SLC25A37: variants seen among roughly 807,000 people sequenced by gnomAD.
The protein encoded by SLC25A37 is mitoferrin-1.
Under a neutral mutation model 31.0 loss-of-function variants are expected in SLC25A37, and 17 were observed. The ratio of observed to expected loss-of-function variants is 0.55; its 90% CI spans 0.38 to 0.82. The LOEUF is 0.82. Among genes scored for constraint, SLC25A37 ranks in the 40% least tolerant of loss-of-function variants. SLC25A37 has a pLI of 0.00. For missense variants in SLC25A37, 404 were observed against 465.8 expected, an observed-to-expected ratio of 0.87 and a Z score of 1.22; for synonymous variants, 222 against 193.0, an observed-to-expected ratio of 1.15 and a Z score of -1.24.
intron 1 of SLC25A37, among the ~76,000 whole-genome samples, chr8:23,543,731 C>T (rs934342864): frequency 3.9e-5 from 6 of 151,988 alleles, no homozygotes; most frequent in African/African-American, 9.7e-5. Context: ...GATGGGGTTT[C>T]GCTGTGTTAG....
Position 23,529,292 on chromosome 8 carries a change from C to A in SLC25A37, c.210+80C>A. 7.2e-7 allele frequency: 1 copy of A among 1,397,236 alleles called. No homozygotes were observed. The highest frequency in any genetic ancestry group is 9.6e-7 in the Non-Finnish European group (1 of 1,039,344). 86.6% of individuals were successfully genotyped at this position (1,397,236 alleles called of 1,614,324 possible). ...GCATTTGCATCCCGCGCGCCGGCAG[C>A]CTCGGGGCAGCGTCCCGAAACCGAG... On this transcript the variant is annotated intron_variant, in intron 1 of 3. Coordinates refer to ENST00000519973, the MANE Select transcript of SLC25A37 (RefSeq NM_016612.4). This position sits in a 1 kb window ranked among gnomAD's most constrained non-coding sequence, Gnocchi z 4.1.
intron 1 of SLC25A37, among the ~76,000 whole-genome samples, chr8:23,544,572 G>A (rs1476361031): frequency 2.0e-5 from 3 of 152,148 alleles, no homozygotes; most frequent in Non-Finnish European, 4.4e-5. Context: ...GATGAGCTCA[G>A]TCTTCAGGGA....
chr8:23,573,708 A>G lies in SLC25A37; in HGVS notation c.*1853A>G, dbSNP rs572050683. The G allele has an allele frequency of 5.9e-5, 26 of 437,652 alleles. No homozygotes were observed. The highest frequency in any genetic ancestry group is 4.1e-4 in the South Asian group (26 of 63,612). The allele number at this position is 437,652 out of a possible 1,614,324, so 27.1% of individuals were successfully genotyped here. ...TTCCTTTTTCAGATCAGGGATGGGA[A>G]AGAGCCAAACTGGGTACCTCCCACG... On this transcript the variant is annotated 3_prime_UTR_variant, in exon 4 of 4. Transcript: ENST00000519973.
At chr8:23,564,162 A>G (rs1802588557) in intron 1 of SLC25A37, among the ~76,000 whole-genome samples, 1 of 151,964 alleles carries the variant, frequency 6.6e-6, no homozygotes, top group Non-Finnish European at 1.5e-5. Flanking sequence ...TTTCTGGGCA[A>G]AATAAAAAGT....
intron 1 of SLC25A37, among the ~76,000 whole-genome samples, chr8:23,540,510 A>G (rs1034235491): frequency 1.3e-5 from 2 of 152,222 alleles, no homozygotes; most frequent in Middle Eastern, 3.2e-3. Flanking sequence ...TCTTTGGGCA[A>G]GTACTCCAGC....
chr8:23,546,218 T>C (rs1802033931), intron 1 of SLC25A37, among the ~76,000 whole-genome samples: 1 of 152,058 alleles, frequency 6.6e-6, no homozygotes, highest in African/African-American at 2.4e-5. Flanking sequence ...GGAAGATTGC[T>C]TGAGCCCAGG....
intron 1 of SLC25A37, among the ~76,000 whole-genome samples, chr8:23,538,565 C>G (rs1193081437): frequency 6.9e-6 from 1 of 145,600 alleles, no homozygotes; most frequent in Non-Finnish European, 1.5e-5. Context: ...GTGTGTAGAA[C>G]CCAGCAAGCA....
chr8:23,529,275 A>C lies in SLC25A37; in HGVS notation c.210+63A>C. 1 of 1,484,040 alleles carries C rather than the reference A, an allele frequency of 6.7e-7. No individual in the cohort carries two copies. The highest frequency in any genetic ancestry group is 9.1e-7 in the Non-Finnish European group (1 of 1,102,230). 91.9% of individuals were successfully genotyped at this position (1,484,040 alleles called of 1,614,324 possible). A position where few individuals can be genotyped will look rare whatever the true frequency, so the allele number is the denominator to read the frequency against. On this transcript the variant is annotated intron_variant, in intron 1 of 3. Coordinates refer to ENST00000519973, the MANE Select transcript of SLC25A37 (RefSeq NM_016612.4). This position sits in a 1 kb window ranked among gnomAD's most constrained non-coding sequence, Gnocchi z 4.1. ...AGAAGGAGCGCGCGCGCGCATTTGC[A>C]TCCCGCGCGCCGGCAGCCTCGGGGC...
intron 1 of SLC25A37, chr8:23,541,658 CG>C (rs1452541041): frequency 1.3e-5 from 2 of 152,414 alleles, no homozygotes; most frequent in East Asian, 3.9e-4. Context: ...GCGGGACCCG[CG>C]GGCAGTGCCT....
In SLC25A37 at chr8:23,565,064, C is replaced by T. The variant is rs116788971; in HGVS notation, c.211-1044C>T. On this transcript the variant is annotated intron_variant, in intron 1 of 3. Transcript: ENST00000519973. ...GGAGAGCTGATGTTACAGTTTGAGTCTGAAGGCAGTCTGGAGGCAGAATTT... is the reference window on the plus strand; with the variant it reads ...GGAGAGCTGATGTTACAGTTTGAGTTTGAAGGCAGTCTGGAGGCAGAATTT... 3.7e-3 allele frequency among the ~76,000 whole-genome samples: 560 copies of T among 152,310 alleles called. 3 individuals are homozygous for T. Among genetic ancestry groups the T allele is most frequent in the African/African-American group, 0.013 (543 of 41,564 alleles).
chr8:23,548,478 T>G (rs1478076995), intron 1 of SLC25A37, among the ~76,000 whole-genome samples: 5 of 86,694 alleles, frequency 5.8e-5, no homozygotes, highest in Non-Finnish European at 9.5e-5. Flanking sequence ...ACGTCCGGGC[T>G]TTTTTTTTTT....
chr8:23,571,232 G>C, intron 3 of SLC25A37, 103 bp from the exon 4 acceptor site: 1 of 1,380,390 alleles, frequency 7.2e-7, no homozygotes, highest in Non-Finnish European at 9.6e-7. Flanking sequence ...TAACTGGCTT[G>C]TTTCTCTTTA....
intron 3 of SLC25A37, 125 bp from the exon 4 acceptor site, chr8:23,571,210 G>A: frequency 8.3e-7 from 1 of 1,198,698 alleles, no homozygotes; most frequent in Admixed American, 2.8e-5. Flanking sequence ...GCTCTCGCCT[G>A]TTTCCGGTGT....
chr8:23,547,050 G>T (rs1370775113), intron 1 of SLC25A37, among the ~76,000 whole-genome samples: 2 of 152,110 alleles, frequency 1.3e-5, no homozygotes, highest in Non-Finnish European at 2.9e-5. Context: ...TTCCCTTGAG[G>T]TCTCTTCCAA....
At position 23,566,030 on chromosome 8, in the gene SLC25A37, T is replaced by C. The variant is rs926146026; in HGVS notation, c.211-78T>C. On this transcript the variant is annotated intron_variant, in intron 1 of 3. Transcript: ENST00000519973. ...ATGACATTGTTTTTCTCTCTCTCCT[T>C]CTCCAGGTCTTATTTTCCTTCTTTA... The C allele has an allele frequency of 3.4e-6, 5 of 1,481,826 alleles. No individual in the cohort carries two copies. In the African/African-American group the frequency reaches 7.3e-5, roughly 21 times the overall value. 91.8% of individuals were successfully genotyped at this position (1,481,826 alleles called of 1,614,324 possible).
intron 1 of SLC25A37, among the ~76,000 whole-genome samples, chr8:23,538,209 C>T (rs1048742131): frequency 2.7e-4 from 41 of 151,226 alleles, no homozygotes; most frequent in Admixed American, 2.2e-3. Flanking sequence ...GGCAAAACCC[C>T]GTCTCTACTA....
chr8:23,548,336 G>A (rs985327934), intron 1 of SLC25A37, among the ~76,000 whole-genome samples: 12 of 151,520 alleles, frequency 7.9e-5, no homozygotes, highest in African/African-American at 2.7e-4. Context: ...GTGCCACCAC[G>A]CCCAGCTAAT....
At chr8:23,535,615 T>C (rs1801749797) in intron 1 of SLC25A37, among the ~76,000 whole-genome samples, 1 of 152,186 alleles carries the variant, frequency 6.6e-6, no homozygotes, top group South Asian at 2.1e-4. Flanking sequence ...AGTGGGGATA[T>C]GAATACTGTA....
intron 1 of SLC25A37, among the ~76,000 whole-genome samples, chr8:23,546,578 A>G (rs1413687230): frequency 0.025 from 1,491 of 60,792 alleles, 70 homozygotes; most frequent in African/African-American, 0.14. Flanking sequence ...ATATATATAT[A>G]TATAGTGTAT....
Sources: allele counts gnomAD v4.1 joint callset (sites outside exome capture counted in the v4.1 genomes callset), GRCh38; gene constraint gnomAD v4.1.1; non-coding constraint Gnocchi (gnomAD v3.1); transcripts MANE v1.5; gene names NCBI Gene and HGNC (gene_info 2026-07-23, HGNC 2026-07-21).